The following SCD5 variants were observed in gnomAD, a reference collection of about 807,000 sequenced individuals.
The protein encoded by SCD5 is stearoyl-CoA desaturase 5.
SCD5 carries 20 observed loss-of-function variants against 30.4 expected under a neutral mutation model. The ratio of observed to expected loss-of-function variants is 0.66; its 90% CI spans 0.46 to 0.96. SCD5 has a LOEUF of 0.96. Among genes scored for constraint, SCD5 ranks in the 40% least tolerant of loss-of-function variants. SCD5 has a pLI of 0.00. For missense variants in SCD5, 381 were observed against 443.3 expected (o/e 0.86, Z 1.26); for synonymous variants, 173 against 176.4 (o/e 0.98, Z 0.16).
At chr4:82,716,815 A>G (rs929390829) in intron 1 of SCD5, among the ~76,000 whole-genome samples, 9 of 151,876 alleles carry the variant, frequency 5.9e-5, no homozygotes, top group Non-Finnish European at 1.2e-4. Flanking sequence ...CTCAGTCTCA[A>G]TAAACAAAAG....
intron 3 of SCD5, among the ~76,000 whole-genome samples, chr4:82,638,344 G>A (rs1377822128): frequency 2.0e-5 from 3 of 152,118 alleles, no homozygotes; most frequent in Non-Finnish European, 4.4e-5. Flanking sequence ...ACTCTGGGAC[G>A]TGAGCTCCAT....
At chr4:82,771,624 A>G (rs1448406407) in intron 1 of SCD5, among the ~76,000 whole-genome samples, 4 of 150,568 alleles carry the variant, frequency 2.7e-5, no homozygotes, top group African/African-American at 9.9e-5. Context: ...GGGAGGTTGT[A>G]GTGTTCAAAT....
At chr4:82,713,751 T>C (rs1266908223) in intron 1 of SCD5, among the ~76,000 whole-genome samples, 1 of 152,176 alleles carries the variant, frequency 6.6e-6, no homozygotes, top group Non-Finnish European at 1.5e-5. Flanking sequence ...CTAACCTCAA[T>C]TGGGCTTTAC....
chr4:82,773,720 T>C (rs1721677944), intron 1 of SCD5, among the ~76,000 whole-genome samples: 1 of 152,192 alleles, frequency 6.6e-6, no homozygotes, highest in Admixed American at 6.5e-5. Flanking sequence ...AGTTGTGACA[T>C]TCAAACACAT....
At chr4:82,678,372 AT>A (rs1311227516) in intron 3 of SCD5, among the ~76,000 whole-genome samples, 1 of 151,988 alleles carries the variant, frequency 6.6e-6, no homozygotes, top group African/African-American at 2.4e-5. Flanking sequence ...AGACTACAAC[AT>A]TTTTTTATGA....
intron 3 of SCD5, among the ~76,000 whole-genome samples, chr4:82,655,626 A>C (rs769141146): frequency 1.7e-4 from 26 of 152,352 alleles, no homozygotes; most frequent in Non-Finnish European, 2.9e-4. Flanking sequence ...CACAGCAGGA[A>C]GAATTCTTAA....
chr4:82,755,082 T>C (rs1210452150), intron 1 of SCD5, among the ~76,000 whole-genome samples: 1 of 123,876 alleles, frequency 8.1e-6, no homozygotes, highest in Non-Finnish European at 1.6e-5. Context: ...GGAAAGTCTA[T>C]AGCCAGACCA....
intron 2 of SCD5, among the ~76,000 whole-genome samples, chr4:82,685,643 G>A (rs1343706975): frequency 3.0e-5 from 1 of 32,864 alleles, no homozygotes; most frequent in Non-Finnish European, 5.8e-5. Flanking sequence ...AACCTGGAAG[G>A]CAGACATTGC....
intron 1 of SCD5, among the ~76,000 whole-genome samples, chr4:82,783,429 T>C (rs1361368966): frequency 6.6e-6 from 1 of 152,232 alleles, no homozygotes. Context: ...AGATGCCTGA[T>C]GACATTAGAC....
intron 1 of SCD5, among the ~76,000 whole-genome samples, chr4:82,775,277 T>TTGTA (rs1721720912): frequency 6.6e-6 from 1 of 152,198 alleles, no homozygotes; most frequent in African/African-American, 2.4e-5. Context: ...TGGGAGCTGC[T>TTGTA]TGTAGGCATG....
chr4:82,709,935 T>A (rs1462590925), intron 1 of SCD5, among the ~76,000 whole-genome samples: 1 of 152,210 alleles, frequency 6.6e-6, no homozygotes, highest in Non-Finnish European at 1.5e-5. Flanking sequence ...CCTGTTTTAC[T>A]CCTATGAGGT....
At chr4:82,771,404 G>A (rs114160667) in intron 1 of SCD5, among the ~76,000 whole-genome samples, 323 of 152,284 alleles carry the variant, frequency 2.1e-3, no homozygotes, top group Non-Finnish European at 3.9e-3. Context: ...GGAACCTGCT[G>A]CAAGACAAGG....
At chr4:82,768,312 A>G (rs1180125878) in intron 1 of SCD5, among the ~76,000 whole-genome samples, 1 of 152,242 alleles carries the variant, frequency 6.6e-6, no homozygotes, top group Non-Finnish European at 1.5e-5. Context: ...TATTTACAGG[A>G]GTGATCTGAT....
At chr4:82,674,072 G>T (rs566015798) in intron 3 of SCD5, among the ~76,000 whole-genome samples, 94 of 152,206 alleles carry the variant, frequency 6.2e-4, no homozygotes, top group African/African-American at 2.2e-3. Context: ...CATAGAAAAT[G>T]TAGATGACTC....
rs374297357 is a variant in SCD5 at position 82,673,396 on chromosome 4, A to G, written c.569+7311T>C. On this transcript the variant is annotated intron_variant, in intron 3 of 4. Transcript: ENST00000319540. ...GCACAAGTGGCATTTGAAATTAAAA[A>G]CACAATACCATTTACATTAGCACCA... Among the ~76,000 whole-genome samples the G allele has an allele frequency of 9.3e-4, 141 of 152,326 alleles. 4 individuals carry two copies. The South Asian group carries it at 0.027, about 30-fold the overall frequency.
At chr4:82,768,248 T>A (rs1578060206) in intron 1 of SCD5, among the ~76,000 whole-genome samples, 1 of 152,312 alleles carries the variant, frequency 6.6e-6, no homozygotes, top group South Asian at 2.1e-4. Context: ...TAAGGGACAT[T>A]TGCTGGCTTA....
At chr4:82,651,471 TG>T (rs1398471664) in intron 3 of SCD5, among the ~76,000 whole-genome samples, 1 of 150,000 alleles carries the variant, frequency 6.7e-6, no homozygotes, top group Non-Finnish European at 1.5e-5. Flanking sequence ...GGGGAAAGGG[TG>T]GGGGGTGGTG....
chr4:82,773,818 G>A (rs1472437776), intron 1 of SCD5, among the ~76,000 whole-genome samples: 4 of 152,124 alleles, frequency 2.6e-5, no homozygotes, highest in Non-Finnish European at 5.9e-5. Flanking sequence ...GCACATAGAG[G>A]CCGGGCGTGG....
chr4:82,639,798 A>G (rs1399413612), intron 3 of SCD5, among the ~76,000 whole-genome samples: 1 of 152,206 alleles, frequency 6.6e-6, no homozygotes, highest in Non-Finnish European at 1.5e-5. Flanking sequence ...GCCATCTTGC[A>G]ACTCCAGCAG....
Sources: gnomAD v4.1 joint callset for allele counts (sites outside exome capture counted in the v4.1 genomes callset) on GRCh38, gnomAD v4.1.1 for gene constraint, MANE v1.5 for transcripts, NCBI Gene and HGNC (gene_info 2026-07-23, HGNC 2026-07-21) for gene names.